Variants in NEB observed in about 807,000 individuals in gnomAD.
The protein encoded by NEB is nemaline myopathy type 2.
In NEB, 512 loss-of-function variants were observed where a neutral mutation model predicts 952.2. The observed-to-expected ratio is 0.54, with a 90% CI of 0.50 to 0.58. NEB has a LOEUF of 0.58. NEB is among the 20% of genes least tolerant of loss of function. The pLI, the probability that NEB is intolerant of heterozygous loss-of-function variation, is 0.00. For synonymous variants in NEB, 2,900 were observed against 3,149.8 expected (o/e 0.92, Z 2.66); for missense variants, 8,428 against 9,231.1 (o/e 0.91, Z 3.56).
intron 164 of NEB, chr2:151,505,945 CCT>C (rs748182149): frequency 1.7e-6 from 1 of 584,044 alleles, no homozygotes; most frequent in Non-Finnish European, 3.1e-6. Flanking sequence ...TTCTCACAAG[CCT>C]CTCTGTTTTT....
Position 151,637,593 on chromosome 2 carries a change from C to G in NEB, c.8995-1259G>C, listed in dbSNP as rs2098786287. On this transcript the variant is annotated intron_variant, in intron 63 of 181. Transcript: ENST00000397345. ...TTGCGGGCAAAATGGGGAAGGGCAC[C>G]TGGGCCTCCTGGGACTGGCAGCCGA... Among the ~76,000 whole-genome samples the G allele has an allele frequency of 2.0e-5, 3 of 152,142 alleles. No individual in the cohort carries two copies. The South Asian group carries it at 6.2e-4, about 32-fold the overall frequency.
intron 57 of NEB, 31 bp from the exon 58 acceptor site, chr2:151,643,384 T>C: frequency 6.5e-7 from 1 of 1,542,344 alleles, no homozygotes. Flanking sequence ...TTTGTCATAA[T>C]TAAATCATTT....
chr2:151,641,743 A>G lies in NEB; in HGVS notation c.8373+831T>C, dbSNP rs527480768. 1.3e-4 allele frequency among the ~76,000 whole-genome samples: 19 copies of G among 151,144 alleles called. No individual in the cohort carries two copies. In the South Asian group the frequency reaches 3.5e-3, roughly 28 times the overall value. The stretch of plus-strand genomic sequence containing the variant: ...TACTTCCCATATTTTGGAAATAAAG[A>G]AAAAAATCTAGAGTTTTTTTTATTC... On this transcript the variant is annotated intron_variant, in intron 60 of 181. Transcript: ENST00000397345.
intron 135 of NEB, among the ~76,000 whole-genome samples, chr2:151,543,143 C>G (rs1465411398): frequency 6.6e-6 from 1 of 152,142 alleles, no homozygotes. Context: ...GTGGTACGAT[C>G]CTTTCATCAA....
Position 151,680,663 on chromosome 2 carries a change from C to A in NEB, c.3042+67G>T, listed in dbSNP as rs2099407650. On this transcript the variant is annotated intron_variant, in intron 30 of 181. Transcript: ENST00000397345. Reference sequence around the variant, plus strand: ...GTATAATAACTAGAGGTGATCAGTACATTTGAAATACAAATGTATTTGTAT... The same window carrying A: ...GTATAATAACTAGAGGTGATCAGTAAATTTGAAATACAAATGTATTTGTAT... 3 of 1,180,358 alleles carry A rather than the reference C, an allele frequency of 2.5e-6. No homozygotes were observed. In the Admixed American group the frequency reaches 5.8e-5, roughly 23 times the overall value. The allele number at this position is 1,180,358 out of a possible 1,614,324, so 73.1% of individuals were successfully genotyped here.
chr2:151,721,299 T>G (rs1330444966), intron 9 of NEB, among the ~76,000 whole-genome samples: 1 of 152,224 alleles, frequency 6.6e-6, no homozygotes, highest in African/African-American at 2.4e-5. Flanking sequence ...ATGCCTCTTA[T>G]TTATTACCGT....
chr2:151,565,420 T>C (rs975393519), intron 116 of NEB, 81 bp downstream of exon 116: 9 of 1,009,662 alleles, frequency 8.9e-6, no homozygotes, highest in African/African-American at 1.6e-5. Flanking sequence ...CAAGCAATTA[T>C]CTAAAGTTAA....
intron 72 of NEB, 50 bp from the exon 73 acceptor site, chr2:151,619,812 CTGT>C (rs2098339641): frequency 1.3e-6 from 2 of 1,536,838 alleles, no homozygotes; most frequent in Non-Finnish European, 1.8e-6. Flanking sequence ...GGGCTATTCC[CTGT>C]TGTTCTTTCT....
chr2:151,644,095 C>A lies in NEB; in HGVS notation c.7679G>T (p.Gly2560Val). Residue 2560 changes from glycine to valine, a missense_variant, in exon 57 of 182, where the codon GGC (glycine) becomes GTC (valine). Coordinates refer to ENST00000397345, the MANE Select transcript of NEB (RefSeq NM_001164508.2). ...KYKEGFRKQL[G>V]HHIGARNIED... ...AATGTTCCGGGCACCAATGTGGTGGCCGAGCTGCTTGCGAAAGCCTTCCTT... is the reference window on the plus strand; with the variant it reads ...AATGTTCCGGGCACCAATGTGGTGGACGAGCTGCTTGCGAAAGCCTTCCTT... 1.2e-6 allele frequency: 2 copies of A among 1,613,850 alleles called. No individual in the cohort carries two copies. The highest frequency in any genetic ancestry group is 1.7e-6 in the Non-Finnish European group (2 of 1,179,842).
Position 151,668,998 on chromosome 2 carries a change from G to C in NEB, c.4611+29C>G, listed in dbSNP as rs760385513. 4 of 1,468,720 alleles carry C rather than the reference G, an allele frequency of 2.7e-6. No individual in the cohort carries two copies. The African/African-American group carries it at 5.6e-5, about 20-fold the overall frequency. The allele number at this position is 1,468,720 out of a possible 1,614,324, so 91.0% of individuals were successfully genotyped here. On this transcript the variant is annotated intron_variant, in intron 39 of 181. Transcript: ENST00000397345. ...AACCAGAAAGGAGAGGCCCGCATACGCAATATTAGCACTGGGCCAAATACT... is the reference window on the plus strand; with the variant it reads ...AACCAGAAAGGAGAGGCCCGCATACCCAATATTAGCACTGGGCCAAATACT...
chr2:151,490,165 C>T, intron 180 of NEB, 88 bp from the exon 181 acceptor site: 7 of 1,214,616 alleles, frequency 5.8e-6, no homozygotes, highest in Non-Finnish European at 8.2e-6. Context: ...ATGTCTTTTT[C>T]CCCCAACTTA....
rs757122461 is a variant in NEB, at chr2:151,505,493, C to T, written c.23727G>A (p.Gln7909=). The change falls in exon 165 of 182, where the codon CAG becomes CAA. Residue 7909 remains glutamine (Q), a synonymous_variant. Transcript: ENST00000397345. ...LPEVKRVKET[Q]KHISSVMYKE... ...TGGCCACTACCGAGCTAATGTGCTT[C>T]TGCGTCTCCTTCACACGTTTCACTT... 5 of 1,613,702 alleles carry T rather than the reference C, an allele frequency of 3.1e-6. No individual in the cohort carries two copies. In the African/African-American group the frequency reaches 5.3e-5, roughly 17 times the overall value.
intron 170 of NEB, 198 bp downstream of exon 170, chr2:151,498,062 A>ATGTT (rs1157685394): frequency 7.6e-6 from 11 of 1,455,732 alleles, no homozygotes; most frequent in African/African-American, 2.9e-5. Context: ...TTTTTAAAAC[A>ATGTT]TGTTTGTTTG....
intron 164 of NEB, 128 bp downstream of exon 164, chr2:151,506,038 T>G (rs2068623177): frequency 1.2e-6 from 1 of 822,466 alleles, no homozygotes; most frequent in African/African-American, 1.7e-5. Flanking sequence ...GTGGTGGTGG[T>G]ACACAGGCAC....
intron 29 of NEB, among the ~76,000 whole-genome samples, chr2:151,681,158 G>A (rs2099411589): frequency 6.6e-6 from 1 of 152,144 alleles, no homozygotes; most frequent in East Asian, 1.9e-4. Flanking sequence ...TTTTCTAAAG[G>A]TTTAACAGAA....
At position 151,714,746 on chromosome 2, in the gene NEB, T is replaced by A. The variant is rs959290562; in HGVS notation, c.822+2670A>T. Reference sequence around the variant, plus strand: ...GTTTTTTAAAAAATTTATTTTTTTATACTTTAAGTTCTAGGGTAGATAAAG... The same window carrying A: ...GTTTTTTAAAAAATTTATTTTTTTAAACTTTAAGTTCTAGGGTAGATAAAG... On this transcript the variant is annotated intron_variant, in intron 10 of 181. Coordinates refer to ENST00000397345, the MANE Select transcript of NEB (RefSeq NM_001164508.2). Among the ~76,000 whole-genome samples, 3 of 152,184 alleles carry A rather than the reference T, an allele frequency of 2.0e-5. No individual in the cohort carries two copies. In the East Asian group the frequency reaches 5.8e-4, roughly 29 times the overall value.
chr2:151,542,345 T>C (rs921186614), intron 135 of NEB, among the ~76,000 whole-genome samples: 2 of 152,210 alleles, frequency 1.3e-5, no homozygotes, highest in Admixed American at 1.3e-4. Flanking sequence ...AAGCATCACT[T>C]TGAGATTGAT....
At chr2:151,626,063 G>A (rs1044694610) in intron 70 of NEB, among the ~76,000 whole-genome samples, 1 of 150,888 alleles carries the variant, frequency 6.6e-6, no homozygotes, top group Non-Finnish European at 1.5e-5. Context: ...GTACCTGTAT[G>A]TGCTATCTCT....
chr2:151,713,354 C>T (rs1415823185), intron 10 of NEB, among the ~76,000 whole-genome samples: 2 of 152,128 alleles, frequency 1.3e-5, no homozygotes, highest in African/African-American at 4.8e-5. Flanking sequence ...ATAAAGAACC[C>T]AGCTGGTATT....
Sources: allele counts gnomAD v4.1 joint callset (sites outside exome capture counted in the v4.1 genomes callset), GRCh38; gene constraint gnomAD v4.1.1; transcripts MANE v1.5; gene names NCBI Gene and HGNC (gene_info 2026-07-23, HGNC 2026-07-21).